ATAD3A: variants seen among roughly 807,000 people sequenced by gnomAD.
ATAD3A encodes the protein ATPase family AAA domain-containing protein 3A.
ATAD3A carries 46 observed loss-of-function variants against 73.8 expected under a neutral mutation model. The ratio of observed to expected loss-of-function variants is 0.62; its 90% CI spans 0.49 to 0.80. ATAD3A has a LOEUF of 0.80. Among genes scored for constraint, ATAD3A ranks in the 30% least tolerant of loss-of-function variants. ATAD3A has a pLI of 0.00. For synonymous variants in ATAD3A, 319 were observed against 350.0 expected (o/e 0.91, Z 0.99); for missense variants, 705 against 838.0 (o/e 0.84, Z 1.96).
intron 15 of ATAD3A, among the ~76,000 whole-genome samples, chr1:1,530,981 C>A (rs1486999226): frequency 6.6e-6 from 1 of 152,004 alleles, no homozygotes; most frequent in Non-Finnish European, 1.5e-5. Context: ...CAAGGCCAAT[C>A]TCACCTCCAC....
chr1:1,531,730 A>C (rs1382437624), intron 15 of ATAD3A, among the ~76,000 whole-genome samples: 1 of 152,056 alleles, frequency 6.6e-6, no homozygotes, highest in Non-Finnish European at 1.5e-5. Flanking sequence ...GTGAGCCGAG[A>C]TCGCACCACT....
intron 14 of ATAD3A, among the ~76,000 whole-genome samples, chr1:1,528,109 A>G (rs1641914165): frequency 6.6e-6 from 1 of 151,942 alleles, no homozygotes; most frequent in African/African-American, 2.4e-5. Flanking sequence ...ACAGGCGCCC[A>G]CCACCATGCC....
chr1:1,522,690 C>CT (rs1641642943), intron 7 of ATAD3A, 54 bp from the exon 8 acceptor site: 2 of 1,605,798 alleles, frequency 1.2e-6, no homozygotes, highest in Non-Finnish European at 1.7e-6. Flanking sequence ...GTCTCCTGCT[C>CT]TAAGAGGGAG....
chr1:1,521,503 C>T (rs370550304), intron 7 of ATAD3A, among the ~76,000 whole-genome samples: 7 of 152,150 alleles, frequency 4.6e-5, no homozygotes, highest in African/African-American at 1.4e-4. Context: ...TCCGTCCCCA[C>T]CCCGCCCAGC....
chr1:1,522,409 T>C (rs191805743), intron 7 of ATAD3A, among the ~76,000 whole-genome samples: 1 of 152,342 alleles, frequency 6.6e-6, no homozygotes, highest in African/African-American at 2.4e-5. Flanking sequence ...TAAAGTACCA[T>C]TTTTAGTGGC....
chr1:1,526,086 A>C (rs6686506), intron 12 of ATAD3A, among the ~76,000 whole-genome samples: 2,099 of 150,190 alleles, frequency 0.014, 50 homozygotes, highest in African/African-American at 0.048. Context: ...GCAGCGGTGC[A>C]ATTTCAGCTC....
chr1:1,528,758 G>C (rs1388775507), intron 14 of ATAD3A, among the ~76,000 whole-genome samples: 1 of 152,246 alleles, frequency 6.6e-6, no homozygotes, highest in East Asian at 1.9e-4. Context: ...GATGACAAAA[G>C]AGAGCCTGGT....
Position 1,523,892 on chromosome 1 carries a change from G to A in ATAD3A, c.1017G>A (p.Lys339=). 6.2e-7 allele frequency: 1 copy of A among 1,614,052 alleles called. No individual in the cohort carries two copies. Among genetic ancestry groups the A allele is most frequent in the Non-Finnish European group, 8.5e-7 (1 of 1,180,018 alleles). Residue 339 remains lysine, a synonymous_variant, in exon 10 of 16, where the codon AAG becomes AAA. Coordinates refer to ENST00000378756, the MANE Select transcript of ATAD3A (RefSeq NM_001170535.3). This position sits in a 1 kb window ranked among gnomAD's most constrained non-coding sequence, Gnocchi z 5.1. ...RDIAIATRNT[K]KNRSLYRNIL... ...TCGCCATAGCAACAAGGAACACCAA[G>A]AAGAACCGCAGCCTGTACAGGAACA...
chr1:1,530,550 C>T (rs566207883), intron 15 of ATAD3A, among the ~76,000 whole-genome samples: 1 of 125,386 alleles, frequency 8.0e-6, no homozygotes, highest in African/African-American at 4.6e-5. Flanking sequence ...AGAATAATGG[C>T]CGGGCGCGGT....
At chr1:1,528,837 C>T (rs1428144330) in intron 14 of ATAD3A, among the ~76,000 whole-genome samples, 2 of 152,240 alleles carry the variant, frequency 1.3e-5, no homozygotes, top group African/African-American at 4.8e-5. Flanking sequence ...CTCCCCTTCC[C>T]TGGGCTCCCC....
chr1:1,513,723 T>TGCCCCTCTGCCTGGTA (rs1553123957), intron 1 of ATAD3A, among the ~76,000 whole-genome samples: 2 of 151,980 alleles, frequency 1.3e-5, no homozygotes, highest in African/African-American at 4.8e-5. Flanking sequence ...CCCCCTGCCC[T>TGCCCCTCTGCCTGGTA]GCCCCTCTGC....
At position 1,512,323 on chromosome 1, in the gene ATAD3A, C is replaced by T. The variant is rs1641220331; in HGVS notation, c.55C>T (p.Pro19Ser). ...CCCCAAGGGTGAAGGCGCGGGGCCG[C>T]CGCCGCCTTTGCCGCCCGCGCAGCC... ...KGPKGEGAGP[P>S]PPLPPAQPGA... The change falls in exon 1 of 16, where the codon CCG (proline) becomes TCG (serine). Residue 19 changes from proline to serine, a missense_variant. Transcript: ENST00000378756. The T allele has an allele frequency of 8.0e-7, 1 of 1,242,918 alleles. No homozygotes were observed. Among genetic ancestry groups the T allele is most frequent in the Non-Finnish European group, 1.0e-6 (1 of 988,214 alleles). The allele number at this position is 1,242,918 out of a possible 1,614,324, so 77.0% of individuals were successfully genotyped here. A position where few individuals can be genotyped will look rare whatever the true frequency, so the allele number is the denominator to read the frequency against.
chr1:1,517,496 G>A (rs563635730), intron 3 of ATAD3A, 84 bp downstream of exon 3: 26 of 1,151,354 alleles, frequency 2.3e-5, no homozygotes, highest in Middle Eastern at 5.8e-4. Context: ...TGTGGTCCCG[G>A]GGCACTCTGG....
At chr1:1,514,965 C>T (rs1326567934) in intron 1 of ATAD3A, among the ~76,000 whole-genome samples, 3 of 152,222 alleles carry the variant, frequency 2.0e-5, no homozygotes, top group African/African-American at 7.2e-5. Flanking sequence ...CATCCACCTC[C>T]TGGGTTCAAG....
intron 15 of ATAD3A, among the ~76,000 whole-genome samples, chr1:1,530,032 TTTGAA>T (rs1350259471): frequency 2.0e-5 from 3 of 152,248 alleles, no homozygotes; most frequent in African/African-American, 7.2e-5. Context: ...TAGCAGTGCT[TTTGAA>T]TGAACGTGTG....
rs992326678 is a variant in ATAD3A at position 1,517,410 on chromosome 1, G to T, written c.382G>T (p.Ala128Ser). 1 of 1,520,184 alleles carries T rather than the reference G, an allele frequency of 6.6e-7. No individual in the cohort carries two copies. Among genetic ancestry groups the T allele is most frequent in the Non-Finnish European group, 8.8e-7 (1 of 1,135,220 alleles). The allele number at this position is 1,520,184 out of a possible 1,614,324, so 94.2% of individuals were successfully genotyped here. The change falls in exon 3 of 16, where the codon GCC (alanine) becomes TCC (serine). Residue 128 changes from alanine (A) to serine (S), a missense_variant and splice_region_variant. Physicochemically the swap from Ala to Ser is moderately conservative, Grantham distance 99 (BLOSUM62 1). Transcript: ENST00000378756. ...TLSEETRQHQ[A>S]RAQYQDKLAR... ...GAGCGAGGAGACCCGGCAGCACCAGGCCGTAAGAGCGCAAGAGGCCGCGAG... is the reference window on the plus strand; with the variant it reads ...GAGCGAGGAGACCCGGCAGCACCAGTCCGTAAGAGCGCAAGAGGCCGCGAG...
Position 1,512,301 on chromosome 1 carries a change from C to T in ATAD3A, c.33C>T (p.Pro11=). Residue 11 remains proline (P), a synonymous_variant, in exon 1 of 16, where the codon CCC becomes CCT. Transcript: ENST00000378756. MSWLFGINKG[P]KGEGAGPPPP... The stretch of plus-strand genomic sequence containing the variant: ...GGCTCTTCGGCATTAACAAGGGCCC[C>T]AAGGGTGAAGGCGCGGGGCCGCCGC... 7.9e-7 allele frequency: 1 copy of T among 1,266,754 alleles called. No individual in the cohort carries two copies. Among genetic ancestry groups the T allele is most frequent in the South Asian group, 3.6e-5 (1 of 27,462 alleles). 78.5% of individuals were successfully genotyped at this position (1,266,754 alleles called of 1,614,324 possible). A position where few individuals can be genotyped will look rare whatever the true frequency, so the allele number is the denominator to read the frequency against.
In ATAD3A at chr1:1,521,039, ATCCCAGCACTT is replaced by A. The variant is rs546316711; in HGVS notation, c.750+424_750+434del. On this transcript the variant is annotated intron_variant, in intron 7 of 15. Transcript: ENST00000378756. The stretch of plus-strand genomic sequence containing the variant: ...TCGATAGTCGTGGCTCACACCTGTA[ATCCCAGCACTT>A]TGGGAGGCAGAGGCAGAGGCGGGCG... 3.2e-4 allele frequency among the ~76,000 whole-genome samples: 49 copies of A among 152,106 alleles called. No homozygotes were observed. The South Asian group carries it at 5.8e-3, about 18-fold the overall frequency.
rs1207867063 is a variant in ATAD3A, at chr1:1,512,192, G to A, written c.-77G>A. On this transcript the variant is annotated 5_prime_UTR_variant, in exon 1 of 16. Transcript: ENST00000378756. Reference sequence around the variant, plus strand: ...CGGTGACCACCGGCTCGCGGCGCGTGGAGGCTGCTCCCAGCCGCGCGCGAG... The same window carrying A: ...CGGTGACCACCGGCTCGCGGCGCGTAGAGGCTGCTCCCAGCCGCGCGCGAG... 1.5e-5 allele frequency: 18 copies of A among 1,223,716 alleles called. No homozygotes were observed. The highest frequency in any genetic ancestry group is 1.7e-5 in the Non-Finnish European group (17 of 979,276). The allele number at this position is 1,223,716 out of a possible 1,614,324, so 75.8% of individuals were successfully genotyped here. A position where few individuals can be genotyped will look rare whatever the true frequency, so the allele number is the denominator to read the frequency against.
Sources: allele counts gnomAD v4.1 joint callset (sites outside exome capture counted in the v4.1 genomes callset), GRCh38; gene constraint gnomAD v4.1.1; non-coding constraint Gnocchi (gnomAD v3.1); transcripts MANE v1.5; gene names NCBI Gene and HGNC (gene_info 2026-07-23, HGNC 2026-07-21).